Variants in WWP2 observed in about 807,000 individuals in gnomAD.
WWP2 encodes WW domain containing E3 ubiquitin protein ligase 2.
Under a neutral mutation model 121.0 loss-of-function variants are expected in WWP2, and 57 were observed. The ratio of observed to expected loss-of-function variants is 0.47; its 90% CI spans 0.38 to 0.59. The LOEUF (loss-of-function observed/expected upper bound fraction) is 0.59. WWP2 is among the 20% of genes least tolerant of loss of function. The pLI is 0.00. For missense variants in WWP2, 962 were observed against 1,158.9 expected, an observed-to-expected ratio of 0.83 and a Z score of 2.47; for synonymous variants, 449 against 441.3, an observed-to-expected ratio of 1.02 and a Z score of -0.22.
chr16:69,909,445 CTT>C (rs2058348638), intron 9 of WWP2: 4 of 985,590 alleles, frequency 4.1e-6, no homozygotes, highest in Non-Finnish European at 4.8e-6. Context: ...AGTAGGGACT[CTT>C]AGGAGAGCCC....
At chr16:69,784,169 G>A (rs150400933) in intron 1 of WWP2, among the ~76,000 whole-genome samples, 6,359 of 145,056 alleles carry the variant, frequency 0.044, 495 homozygotes, top group African/African-American at 0.15. Context: ...GCATGATCTC[G>A]GCGCACTGCA....
intron 16 of WWP2, among the ~76,000 whole-genome samples, chr16:69,933,729 C>T (rs147724481): frequency 5.3e-5 from 8 of 152,270 alleles, no homozygotes; most frequent in African/African-American, 1.7e-4. Context: ...GACAATCACA[C>T]GTTTTCCCAA....
intron 8 of WWP2, among the ~76,000 whole-genome samples, chr16:69,905,294 G>C (rs1026056279): frequency 2.0e-5 from 3 of 152,174 alleles, no homozygotes; most frequent in African/African-American, 7.2e-5. Flanking sequence ...GTCCGCTTTG[G>C]GGGGTGTGTA....
intron 5 of WWP2, 49 bp from the exon 6 acceptor site, chr16:69,841,975 T>C (rs1252094153): frequency 1.9e-6 from 3 of 1,564,132 alleles, no homozygotes; most frequent in Non-Finnish European, 1.7e-6. Context: ...CAAACACGAG[T>C]TGAGCTCCTC....
At chr16:69,881,196 T>G (rs1597101887) in intron 7 of WWP2, among the ~76,000 whole-genome samples, 1 of 152,060 alleles carries the variant, frequency 6.6e-6, no homozygotes, top group South Asian at 2.1e-4. Context: ...CTTGATACCC[T>G]ACTTTTCCTC....
intron 7 of WWP2, among the ~76,000 whole-genome samples, chr16:69,885,647 G>C (rs1319416837): frequency 6.6e-6 from 1 of 152,226 alleles, no homozygotes; most frequent in Non-Finnish European, 1.5e-5. Flanking sequence ...GGGAGAAGTG[G>C]AGCATAGTGA....
In WWP2 at chr16:69,935,044, G is replaced by A. The variant is rs922079571; in HGVS notation, c.1843-809G>A. On this transcript the variant is annotated intron_variant, in intron 17 of 23. Transcript: ENST00000359154. The surrounding 1 kb of genome is among the most constrained non-coding windows in gnomAD (Gnocchi z 5.2). ...GAGGGACACAATGTGAATATGGAAA[G>A]GGAGGTCCTGCCACGTGCCCCGTTG... Among the ~76,000 whole-genome samples, 2 of 152,216 alleles carry A rather than the reference G, an allele frequency of 1.3e-5. No individual in the cohort carries two copies. The highest frequency in any genetic ancestry group is 4.8e-5 in the African/African-American group (2 of 41,458).
At chr16:69,906,984 A>G (rs1445694089) in intron 8 of WWP2, among the ~76,000 whole-genome samples, 1 of 152,248 alleles carries the variant, frequency 6.6e-6, no homozygotes, top group South Asian at 2.1e-4. Context: ...ATGACACATT[A>G]AAAAGGAACC....
chr16:69,785,090 G>A (rs2055754940), intron 1 of WWP2, among the ~76,000 whole-genome samples: 1 of 152,014 alleles, frequency 6.6e-6, no homozygotes, highest in Admixed American at 6.6e-5. Context: ...ACAAAAATTA[G>A]CCAGGTGGTG....
chr16:69,772,691 G>A (rs1353968504), intron 1 of WWP2, among the ~76,000 whole-genome samples: 1 of 152,102 alleles, frequency 6.6e-6, no homozygotes, highest in African/African-American at 2.4e-5. Context: ...CATGGCATTG[G>A]CACACTGTCA....
At chr16:69,846,581 C>T (rs2057083648) in intron 6 of WWP2, among the ~76,000 whole-genome samples, 1 of 152,080 alleles carries the variant, frequency 6.6e-6, no homozygotes, top group Non-Finnish European at 1.5e-5. Flanking sequence ...ATTAGCTTGG[C>T]ATGGTGGCGT....
At chr16:69,812,388 C>G (rs942888242) in intron 4 of WWP2, among the ~76,000 whole-genome samples, 2 of 151,158 alleles carry the variant, frequency 1.3e-5, no homozygotes, top group African/African-American at 4.9e-5. Context: ...TGGTCTTGAC[C>G]TCTTGACCTC....
At chr16:69,817,429 A>G (rs2056515183) in intron 4 of WWP2, among the ~76,000 whole-genome samples, 1 of 151,862 alleles carries the variant, frequency 6.6e-6, no homozygotes, top group Non-Finnish European at 1.5e-5. Flanking sequence ...TTGTATTTTT[A>G]GTAGAGACAG....
chr16:69,938,600 C>T (rs552548249), intron 21 of WWP2, among the ~76,000 whole-genome samples: 69 of 149,568 alleles, frequency 4.6e-4, no homozygotes, highest in African/African-American at 1.5e-3. Flanking sequence ...TGAGCTGGAC[C>T]GTGCCACTGC....
rs141078562 is a variant in WWP2, at chr16:69,888,217, G to A, written c.882G>A (p.Ala294=). 1.3e-4 allele frequency: 203 copies of A among 1,614,114 alleles called. No individual in the cohort carries two copies. In the African/African-American group the frequency reaches 1.9e-3, roughly 15 times the overall value. ...PSTSGTQQLP[A]AAQAPDALPA... The stretch of plus-strand genomic sequence containing the variant: ...CTTCGGGTACACAGCAGCTCCCAGC[G>A]GCTGCCCAGGCCCCCGACGCTCTGC... Residue 294 remains alanine (A), a synonymous_variant, in exon 8 of 24, where the codon GCG becomes GCA. Coordinates refer to ENST00000359154, the MANE Select transcript of WWP2 (RefSeq NM_001270454.2).
chr16:69,801,611 G>A (rs1358601470), intron 4 of WWP2, among the ~76,000 whole-genome samples: 1 of 151,844 alleles, frequency 6.6e-6, no homozygotes, highest in Non-Finnish European at 1.5e-5. Context: ...TTATAGGCAC[G>A]ATCACAGCTC....
intron 1 of WWP2, among the ~76,000 whole-genome samples, chr16:69,781,401 G>A (rs541583570): frequency 6.6e-6 from 1 of 152,152 alleles, no homozygotes. Context: ...GCTGGAGTGC[G>A]GTGGCACAAT....
At position 69,885,102 on chromosome 16, in the gene WWP2, TACACAC is replaced by T. The variant is rs3051438; in HGVS notation, c.704-2903_704-2898del. On this transcript the variant is annotated intron_variant, in intron 7 of 23. Coordinates refer to ENST00000359154, the MANE Select transcript of WWP2 (RefSeq NM_001270454.2). Reference sequence around the variant, plus strand: ...ACACCACTCTTTTACAAACTCCTCCTACACACACACACACACACACACACACACACA... The same window carrying T: ...ACACCACTCTTTTACAAACTCCTCCTACACACACACACACACACACACACA... Among the ~76,000 whole-genome samples, 389 of 140,030 alleles carry T rather than the reference TACACAC, an allele frequency of 2.8e-3. 3 individuals carry two copies. Among genetic ancestry groups the T allele is most frequent in the East Asian group, 0.026 (127 of 4,860 alleles). The allele number at this position is 140,030 out of a possible 152,430, so 91.9% of individuals were successfully genotyped here.
chr16:69,797,890 G>GAAAA (rs113856240), intron 2 of WWP2, among the ~76,000 whole-genome samples: 1 of 145,270 alleles, frequency 6.9e-6, no homozygotes, highest in African/African-American at 2.5e-5. Context: ...CTCTATCTCA[G>GAAAA]AAAAAAAAAA....
Sources: allele counts gnomAD v4.1 joint callset (sites outside exome capture counted in the v4.1 genomes callset), GRCh38; gene constraint gnomAD v4.1.1; non-coding constraint Gnocchi (gnomAD v3.1); transcripts MANE v1.5; gene names NCBI Gene and HGNC (gene_info 2026-07-23, HGNC 2026-07-21).